The following INSC variants were observed in gnomAD, a reference collection of about 807,000 sequenced individuals.
INSC encodes the protein INSC spindle orientation adaptor protein.
INSC carries 67 observed loss-of-function variants against 58.6 expected under a neutral mutation model. That is an observed-to-expected ratio of 1.14 (90% CI 0.94 to 1.40). INSC has a LOEUF of 1.40. Among genes scored for constraint, INSC ranks in the 40% most tolerant of loss-of-function variants. The pLI is 0.00. For synonymous variants in INSC, 262 were observed against 276.1 expected, an observed-to-expected ratio of 0.95 and a Z score of 0.51; for missense variants, 714 against 692.0, an observed-to-expected ratio of 1.03 and a Z score of -0.36.
At chr11:15,111,524 C>G (rs1387868527), upstream of INSC, among the ~76,000 whole-genome samples, 1 of 152,192 alleles carries the variant, frequency 6.6e-6, no homozygotes, top group Non-Finnish European at 1.5e-5. Context: ...TGATACAGCT[C>G]TGGACCAGTC....
chr11:15,201,653 G>A (rs1408604312), intron 7 of INSC, among the ~76,000 whole-genome samples: 2 of 152,134 alleles, frequency 1.3e-5, no homozygotes, highest in African/African-American at 4.8e-5. Context: ...AGGCTCTCAG[G>A]GACTCCAGCC....
upstream of INSC, among the ~76,000 whole-genome samples, chr11:15,113,109 T>TTCTCTCTC (rs757095095): frequency 9.3e-5 from 7 of 75,170 alleles, no homozygotes; most frequent in East Asian, 3.3e-4. Context: ...TTTCTTTCTT[T>TTCTCTCTC]TCTCTCTCTC....
intron 6 of INSC, among the ~76,000 whole-genome samples, chr11:15,193,758 G>A (rs946247944): frequency 1.3e-5 from 2 of 152,214 alleles, no homozygotes; most frequent in African/African-American, 4.8e-5. Flanking sequence ...ACATACGTGT[G>A]TATGTGTCTT....
At chr11:15,269,605 G>C in the INSC span, among the ~76,000 whole-genome samples, 1 of 152,016 alleles carries the variant, frequency 6.6e-6, no homozygotes, top group East Asian at 1.9e-4. Flanking sequence ...AGGAACATGT[G>C]TAAAGAAGAT....
intron 5 of INSC, among the ~76,000 whole-genome samples, chr11:15,185,634 T>G (rs913284578): frequency 1.3e-5 from 2 of 152,100 alleles, no homozygotes; most frequent in Non-Finnish European, 2.9e-5. Context: ...TATATTACAT[T>G]AAATTCTGAA....
the INSC span, among the ~76,000 whole-genome samples, chr11:15,267,569 C>T: frequency 6.6e-6 from 1 of 151,898 alleles, no homozygotes; most frequent in African/African-American, 2.4e-5. Flanking sequence ...TGGGCTATAT[C>T]TCTAGATGTT....
the INSC span, among the ~76,000 whole-genome samples, chr11:15,254,523 A>G: frequency 6.6e-6 from 1 of 152,194 alleles, no homozygotes; most frequent in Non-Finnish European, 1.5e-5. Context: ...TACTAACTAT[A>G]TAATCTTGGG....
chr11:15,150,678 G>A (rs768915161), intron 2 of INSC, among the ~76,000 whole-genome samples: 1 of 152,178 alleles, frequency 6.6e-6, no homozygotes, highest in Non-Finnish European at 1.5e-5. Context: ...TAGGCCAGGG[G>A]TTGGGATCCC....
At chr11:15,123,832 C>T (rs562070242) in intron 1 of INSC, among the ~76,000 whole-genome samples, 20 of 152,304 alleles carry the variant, frequency 1.3e-4, no homozygotes, top group Admixed American at 7.8e-4. Flanking sequence ...AATATCTTTA[C>T]AATTCTATGG....
chr11:15,179,446 C>G (rs1191903443), intron 5 of INSC, among the ~76,000 whole-genome samples: 4 of 152,236 alleles, frequency 2.6e-5, no homozygotes, highest in Admixed American at 6.5e-5. Flanking sequence ...GGCTCCTCTC[C>G]AAATTCAGCC....
intron 6 of INSC, among the ~76,000 whole-genome samples, chr11:15,199,717 A>G (rs1850505795): frequency 6.6e-6 from 1 of 152,194 alleles, no homozygotes; most frequent in Non-Finnish European, 1.5e-5. Flanking sequence ...GATGAGGTTA[A>G]AGGCGAGTGC....
intron 1 of INSC, among the ~76,000 whole-genome samples, chr11:15,131,340 G>A (rs1280676828): frequency 6.6e-6 from 1 of 151,840 alleles, no homozygotes; most frequent in Non-Finnish European, 1.5e-5. Flanking sequence ...TTGGGGTAGA[G>A]ATTGCAACCC....
chr11:15,150,459 A>C (rs1368974873), intron 2 of INSC, among the ~76,000 whole-genome samples: 1 of 152,236 alleles, frequency 6.6e-6, no homozygotes, highest in Non-Finnish European at 1.5e-5. Context: ...ACTGAAACTG[A>C]ATTTCATTTT....
At chr11:15,233,020 T>C (rs974805190) in intron 9 of INSC, among the ~76,000 whole-genome samples, 1 of 152,192 alleles carries the variant, frequency 6.6e-6, no homozygotes, top group Non-Finnish European at 1.5e-5. Context: ...TAATTTGTTA[T>C]AGCAGCAATA....
chr11:15,144,011 T>G (rs1848433858), intron 1 of INSC, among the ~76,000 whole-genome samples: 1 of 152,224 alleles, frequency 6.6e-6, no homozygotes, highest in South Asian at 2.1e-4. Context: ...CCTAGTCCTG[T>G]GCACCTGATT....
chr11:15,218,825 C>T (rs940808484), intron 7 of INSC, among the ~76,000 whole-genome samples: 1 of 152,170 alleles, frequency 6.6e-6, no homozygotes, highest in African/African-American at 2.4e-5. Context: ...CTATCTTTTC[C>T]TATAATTGCC....
At chr11:15,237,662 CT>C (rs1426321867) in intron 10 of INSC, among the ~76,000 whole-genome samples, 1 of 152,192 alleles carries the variant, frequency 6.6e-6, no homozygotes, top group Non-Finnish European at 1.5e-5. Context: ...GTTGTGCAGA[CT>C]GGGCTTTGAG....
chr11:15,225,915 G>A, intron 9 of INSC, 87 bp downstream of exon 9: 1 of 1,341,274 alleles, frequency 7.5e-7, no homozygotes, highest in Admixed American at 2.2e-5. Flanking sequence ...TGAGGCAGGG[G>A]AGAGAGCATG....
At chr11:15,229,960 T>TATTATATATATATATATATTATATATA (rs1491089037) in intron 9 of INSC, among the ~76,000 whole-genome samples, 1 of 25,112 alleles carries the variant, frequency 4.0e-5, no homozygotes, top group African/African-American at 2.3e-4. Flanking sequence ...ATATATATAT[T>TATTATATATATATATATATTATATATA]TATATATATA....
Sources: gnomAD v4.1 joint callset for allele counts (sites outside exome capture counted in the v4.1 genomes callset) on GRCh38, gnomAD v4.1.1 for gene constraint, MANE v1.5 for transcripts, NCBI Gene and HGNC (gene_info 2026-07-23, HGNC 2026-07-21) for gene names.